The following RGS13 variants were observed in gnomAD, a reference collection of about 807,000 sequenced individuals.
The protein encoded by RGS13 is regulator of G-protein signalling 13.
Under a neutral mutation model 19.9 loss-of-function variants are expected in RGS13, and 14 were observed. That is an observed-to-expected ratio of 0.70 (90% CI 0.46 to 1.10). The LOEUF is 1.10. Among genes scored for constraint, RGS13 ranks in the 50% least tolerant of loss-of-function variants. RGS13 has a pLI of 0.00. For missense variants in RGS13, 205 were observed against 187.1 expected, an observed-to-expected ratio of 1.10 and a Z score of -0.56; for synonymous variants, 60 against 56.8, an observed-to-expected ratio of 1.06 and a Z score of -0.25.
At chr1:192,653,842 C>G (rs1025493268) in intron 5 of RGS13, among the ~76,000 whole-genome samples, 2 of 151,756 alleles carry the variant, frequency 1.3e-5, no homozygotes, top group South Asian at 2.1e-4. Context: ...AAATTGTTAA[C>G]AGTAGTTATT....
intron 3 of RGS13, among the ~76,000 whole-genome samples, chr1:192,640,594 C>T (rs1663088075): frequency 6.6e-6 from 1 of 152,050 alleles, no homozygotes; most frequent in Admixed American, 6.6e-5. Context: ...CGGAAGAGTC[C>T]TAATAAGTGA....
chr1:192,639,040 A>T (rs190750034), intron 3 of RGS13, among the ~76,000 whole-genome samples: 27 of 152,240 alleles, frequency 1.8e-4, no homozygotes, highest in Non-Finnish European at 3.7e-4. Context: ...CACCTAACTA[A>T]TAAGTTGCTT....
intron 3 of RGS13, among the ~76,000 whole-genome samples, chr1:192,641,245 AAAAGAAAGAAAAG>A (rs1479704949): frequency 4.0e-3 from 348 of 86,166 alleles, no homozygotes; most frequent in Middle Eastern, 0.023. Context: ...AGAAAGAAAG[AAAAGAAAGAAAAG>A]AAAGAAAGAA....
intron 3 of RGS13, among the ~76,000 whole-genome samples, chr1:192,642,883 A>G (rs1446951190): frequency 6.6e-6 from 1 of 151,958 alleles, no homozygotes; most frequent in Non-Finnish European, 1.5e-5. Context: ...TTTTTGAGAT[A>G]GGGTCTCACT....
At position 192,658,204 on chromosome 1, in the gene RGS13, G is replaced by A; in HGVS notation, c.131G>A (p.Gly44Asp). 1 of 1,610,774 alleles carries A rather than the reference G, an allele frequency of 6.2e-7. No individual in the cohort carries two copies. Among genetic ancestry groups the A allele is most frequent in the African/African-American group, 1.3e-5 (1 of 74,782 alleles). The change falls in exon 6 of 7, where the codon GGT (glycine) becomes GAT (aspartate). Residue 44 changes from glycine to aspartate, a missense_variant. Physicochemically the swap from Gly to Asp is moderately conservative, Grantham distance 94 (BLOSUM62 -1). Coordinates refer to ENST00000391995, the MANE Select transcript of RGS13 (RefSeq NM_002927.5). ...CTGATTTCTCCTCTACTTTTAGATG[G>A]TCCAGTAGTCTATGCAGCATATTTA... ...SFENLMATKY[G>D]PVVYAAYLKM... is the part of the protein sequence containing the mutation.
chr1:192,643,109 G>A (rs982742370), intron 3 of RGS13, among the ~76,000 whole-genome samples: 6 of 151,892 alleles, frequency 4.0e-5, no homozygotes, highest in South Asian at 2.1e-4. Context: ...AATCCTCCCC[G>A]CTTCAGCCTC....
intron 3 of RGS13, among the ~76,000 whole-genome samples, chr1:192,639,827 G>A (rs1458417001): frequency 6.6e-6 from 1 of 152,140 alleles, no homozygotes. Context: ...TGCAGGAGCT[G>A]TGGGAAGCCC....
intron 3 of RGS13, among the ~76,000 whole-genome samples, chr1:192,639,783 G>A (rs1310559111): frequency 6.6e-6 from 1 of 152,092 alleles, no homozygotes; most frequent in East Asian, 1.9e-4. Flanking sequence ...TCTGGCTTCA[G>A]GCCCCAGAAC....
At chr1:192,648,981 G>C (rs1663268634) in intron 5 of RGS13, among the ~76,000 whole-genome samples, 1 of 152,004 alleles carries the variant, frequency 6.6e-6, no homozygotes, top group South Asian at 2.1e-4. Flanking sequence ...AGAGGGTAAT[G>C]GCAGTAGGTG....
chr1:192,638,027 T>C (rs972487722), intron 2 of RGS13, 137 bp from the exon 3 acceptor site: 2 of 152,084 alleles, frequency 1.3e-5, no homozygotes, highest in African/African-American at 4.8e-5. Context: ...TTGGTGCTAT[T>C]AAACTGTCGA....
chr1:192,650,671 G>A (rs1663320328), intron 5 of RGS13, among the ~76,000 whole-genome samples: 1 of 151,896 alleles, frequency 6.6e-6, no homozygotes, highest in African/African-American at 2.4e-5. Flanking sequence ...CATCTCAGTG[G>A]GAAAAGGGGA....
chr1:192,659,474 A>T lies in RGS13; in HGVS notation c.431A>T (p.Glu144Val). Reference sequence around the variant, plus strand: ...TCCTACCCCAGATTTCTAAAGTCAGAAATGTACCAAAAACTTTTGAAAACT... The same window carrying T: ...TCCTACCCCAGATTTCTAAAGTCAGTAATGTACCAAAAACTTTTGAAAACT... ...RDSYPRFLKS[E>V]MYQKLLKTMQ... is the part of the protein sequence containing the mutation. Residue 144 changes from glutamate to valine, a missense_variant, in exon 7 of 7, where the codon GAA becomes GTA. Physicochemically the swap from Glu to Val is moderately radical, Grantham distance 121 (BLOSUM62 -2). Coordinates refer to ENST00000391995, the MANE Select transcript of RGS13 (RefSeq NM_002927.5). The T allele has an allele frequency of 1.2e-6, 2 of 1,612,796 alleles. No individual in the cohort carries two copies. Among genetic ancestry groups the T allele is most frequent in the Non-Finnish European group, 1.7e-6 (2 of 1,179,422 alleles).
chr1:192,659,487 A>G lies in RGS13; in HGVS notation c.444A>G (p.Lys148=), dbSNP rs1663572486. ...TTCTAAAGTCAGAAATGTACCAAAA[A>G]CTTTTGAAAACTATGCAGTCCAACA... ...PRFLKSEMYQ[K]LLKTMQSNNS... The change falls in exon 7 of 7, where the codon AAA becomes AAG. Residue 148 remains lysine (K), a synonymous_variant. Transcript: ENST00000391995. 6.2e-7 allele frequency: 1 copy of G among 1,612,286 alleles called. No individual in the cohort carries two copies. The highest frequency in any genetic ancestry group is 2.2e-5 in the East Asian group (1 of 44,686).
intron 1 of RGS13, among the ~76,000 whole-genome samples, chr1:192,636,768 C>G (rs1663024941): frequency 6.6e-6 from 1 of 151,898 alleles, no homozygotes; most frequent in African/African-American, 2.4e-5. Flanking sequence ...TTATCTGAAA[C>G]ATTGTTAATC....
In RGS13 at chr1:192,659,668, C is replaced by T. The variant is rs1170986085; in HGVS notation, c.*145C>T. The T allele has an allele frequency of 1.3e-5, 8 of 620,476 alleles. No individual in the cohort carries two copies. The highest frequency in any genetic ancestry group is 8.6e-4 in the Middle Eastern group (2 of 2,322). 38.4% of individuals were successfully genotyped at this position (620,476 alleles called of 1,614,324 possible). On this transcript the variant is annotated 3_prime_UTR_variant, in exon 7 of 7. Coordinates refer to ENST00000391995, the MANE Select transcript of RGS13 (RefSeq NM_002927.5). ...TTGACTTTTAGTTCCTAAAAAGAAA[C>T]ATATTTCAAAAGCAATGGAATCTAG...
At chr1:192,641,483 TC>T (rs1281406078) in intron 3 of RGS13, among the ~76,000 whole-genome samples, 3 of 152,088 alleles carry the variant, frequency 2.0e-5, no homozygotes, top group Non-Finnish European at 4.4e-5. Context: ...CTTGCTTTCC[TC>T]CTTGTTTCTG....
At chr1:192,648,060 G>C in intron 5 of RGS13, 73 bp downstream of exon 5, 1 of 1,008,978 alleles carries the variant, frequency 9.9e-7, no homozygotes, top group Non-Finnish European at 1.5e-6. Context: ...GGGGGTGCCA[G>C]ATGATGAATG....
At chr1:192,636,690 G>T (rs935661188) in intron 1 of RGS13, among the ~76,000 whole-genome samples, 4 of 151,748 alleles carry the variant, frequency 2.6e-5, no homozygotes, top group South Asian at 2.1e-4. Context: ...CAAAAATCAT[G>T]CATTACCAAA....
chr1:192,636,754 A>C (rs1026211833), intron 1 of RGS13, among the ~76,000 whole-genome samples: 1 of 151,952 alleles, frequency 6.6e-6, no homozygotes, highest in Non-Finnish European at 1.5e-5. Context: ...GATTATTATA[A>C]GGTTTATCTG....
Sources: gnomAD v4.1 joint callset for allele counts (sites outside exome capture counted in the v4.1 genomes callset) on GRCh38, gnomAD v4.1.1 for gene constraint, MANE v1.5 for transcripts, NCBI Gene and HGNC (gene_info 2026-07-23, HGNC 2026-07-21) for gene names.